The following COL27A1 variants were observed in gnomAD, a reference collection of about 807,000 sequenced individuals.
The protein encoded by COL27A1 is collagen alpha-1(XXVII) chain.
In COL27A1, 106 loss-of-function variants were observed where a neutral mutation model predicts 251.3. That is an observed-to-expected ratio of 0.42 (90% confidence interval 0.36 to 0.50). The LOEUF is 0.50. COL27A1 is among the 20% of genes least tolerant of loss of function. The pLI, the probability that COL27A1 is intolerant of heterozygous loss-of-function variation, is 0.00. For synonymous variants in COL27A1, 1,000 were observed against 986.3 expected (o/e 1.01, Z -0.26); for missense variants, 2,325 against 2,522.8 (o/e 0.92, Z 1.68).
intron 7 of COL27A1, among the ~76,000 whole-genome samples, chr9:114,201,002 C>T (rs1314237490): frequency 6.6e-6 from 1 of 152,218 alleles, no homozygotes; most frequent in Admixed American, 6.5e-5. Flanking sequence ...CCTCCCCTCC[C>T]TGCCCAAAGC....
intron 21 of COL27A1, among the ~76,000 whole-genome samples, chr9:114,241,674 C>T (rs1176113253): frequency 6.6e-6 from 1 of 152,208 alleles, no homozygotes; most frequent in African/African-American, 2.4e-5. Flanking sequence ...CATTCATTCA[C>T]TCACCAAACA....
intron 16 of COL27A1, among the ~76,000 whole-genome samples, chr9:114,234,212 T>TAAAAA (rs11415885): frequency 3.4e-5 from 3 of 89,368 alleles, no homozygotes; most frequent in Non-Finnish European, 6.3e-5. Context: ...TCTTGGACAT[T>TAAAAA]AAAAAAAAAA....
chr9:114,188,141 C>T (rs1168363611), intron 5 of COL27A1, among the ~76,000 whole-genome samples: 1 of 152,238 alleles, frequency 6.6e-6, no homozygotes, highest in African/African-American at 2.4e-5. Flanking sequence ...ACCCCATAGG[C>T]AGTGTGCTGA....
In COL27A1 at chr9:114,309,336, T is replaced by C; in HGVS notation, c.5294T>C (p.Ile1765Thr). The C allele has an allele frequency of 6.2e-7, 1 of 1,614,058 alleles. No individual in the cohort carries two copies. Among genetic ancestry groups the C allele is most frequent in the Non-Finnish European group, 8.5e-7 (1 of 1,180,020 alleles). Reference protein sequence around the residue: ...LSSEVTQHITIHCLNMTVWQE... With the variant: ...LSSEVTQHITTHCLNMTVWQE... Reference sequence around the variant, plus strand: ...TCCGAGGTGACCCAGCACATCACCATCCACTGCCTTAACATGACCGTGTGG... The same window carrying C: ...TCCGAGGTGACCCAGCACATCACCACCCACTGCCTTAACATGACCGTGTGG... Residue 1765 changes from isoleucine to threonine, a missense_variant, in exon 60 of 61, where the codon ATC becomes ACC. By Grantham distance (89) the Ile-to-Thr change is moderately conservative. Coordinates refer to ENST00000356083, the MANE Select transcript of COL27A1 (RefSeq NM_032888.4).
chr9:114,155,869 C>A lies in COL27A1; in HGVS notation c.-82C>A. ...CCGCGCGCTCTAAGCCGGCCTGGCG[C>A]GGCGGGGCGGGGGGCTGGCGGCCCC... On this transcript the variant is annotated 5_prime_UTR_variant, in exon 1 of 61. Transcript: ENST00000356083. The surrounding 1 kb of genome is among the most constrained non-coding windows in gnomAD (Gnocchi z 5.5). 6 of 1,064,576 alleles carry A rather than the reference C, an allele frequency of 5.6e-6. No individual in the cohort carries two copies. The highest frequency in any genetic ancestry group is 6.9e-6 in the Non-Finnish European group (6 of 874,528). The allele number at this position is 1,064,576 out of a possible 1,614,324, so 65.9% of individuals were successfully genotyped here. A position where few individuals can be genotyped will look rare whatever the true frequency, so the allele number is the denominator to read the frequency against.
intron 6 of COL27A1, among the ~76,000 whole-genome samples, 198 bp downstream of exon 6, chr9:114,194,655 G>A (rs751813979): frequency 9.9e-5 from 15 of 152,208 alleles, no homozygotes; most frequent in Non-Finnish European, 2.2e-4. Context: ...CCCACCCAAG[G>A]TTATTCCCAG....
At position 114,292,173 on chromosome 9, in the gene COL27A1, C is replaced by T; in HGVS notation, c.4547C>T (p.Pro1516Leu). The T allele has an allele frequency of 6.4e-7, 1 of 1,559,092 alleles. No individual in the cohort carries two copies. Among genetic ancestry groups the T allele is most frequent in the Non-Finnish European group, 8.7e-7 (1 of 1,151,336 alleles). Residue 1516 changes from proline to leucine, a missense_variant, in exon 49 of 61, where the codon CCT becomes CTT. Around this residue, in one of 4 missense-constraint regions of COL27A1, gnomAD observed 153 missense variants for 140.7 expected, o/e 1.09. Coordinates refer to ENST00000356083, the MANE Select transcript of COL27A1 (RefSeq NM_032888.4). The stretch of plus-strand genomic sequence containing the variant: ...GGAACAGAGGGCAGAACGGGGCTCC[C>T]TGGAAACCAGGGGGAGCCTGGGTCC... The part of the protein sequence containing the change: ...KRGTEGRTGL[P>L]GNQGEPGSKG...
At chr9:114,243,700 T>C (rs1419616620) in intron 23 of COL27A1, 140 bp downstream of exon 23, 4 of 650,556 alleles carry the variant, frequency 6.1e-6, no homozygotes, top group Non-Finnish European at 1.1e-5. Flanking sequence ...AAAGTATTGG[T>C]AAGGGAGAAA....
Position 114,169,084 on chromosome 9 carries a change from C to T in COL27A1, c.1529C>T (p.Pro510Leu). Residue 510 changes from proline to leucine, a missense_variant, in exon 3 of 61, where the codon CCA (proline) becomes CTA (leucine). Physicochemically the swap from Pro to Leu is moderately conservative, Grantham distance 98. Around this residue, in one of 4 missense-constraint regions of COL27A1, gnomAD observed 1,183 missense variants for 1,144.1 expected, o/e 1.03. Coordinates refer to ENST00000356083, the MANE Select transcript of COL27A1 (RefSeq NM_032888.4). Reference protein sequence around the residue: ...STRPPATMVPPTSGTSTPRTA... With the variant: ...STRPPATMVPLTSGTSTPRTA... ...CGGCCACCAGCCACGATGGTACCTCCAACTTCGGGCACCAGCACTCCCAGA... is the reference window on the plus strand; with the variant it reads ...CGGCCACCAGCCACGATGGTACCTCTAACTTCGGGCACCAGCACTCCCAGA... 5.6e-6 allele frequency: 9 copies of T among 1,614,080 alleles called. No homozygotes were observed. The highest frequency in any genetic ancestry group is 7.6e-6 in the Non-Finnish European group (9 of 1,179,974).
chr9:114,181,841 G>C (rs1359849361), intron 4 of COL27A1, among the ~76,000 whole-genome samples: 1 of 152,162 alleles, frequency 6.6e-6, no homozygotes, highest in African/African-American at 2.4e-5. Flanking sequence ...CCACAAATCT[G>C]CTGTATGACC....
rs1564433667 is a variant in COL27A1, at chr9:114,178,359, A to G, written c.1962+15A>G. ...GTGGGCCTCGGGTGAGTTATCTCAC[A>G]CTGTCCTTTGGAACTCTTGGTGGCT... is the stretch of plus-strand genomic sequence containing the variant. On this transcript the variant is annotated intron_variant, in intron 4 of 60. Coordinates refer to ENST00000356083, the MANE Select transcript of COL27A1 (RefSeq NM_032888.4). 6.2e-7 allele frequency: 1 copy of G among 1,613,100 alleles called. No homozygotes were observed. Among genetic ancestry groups the G allele is most frequent in the Non-Finnish European group, 8.5e-7 (1 of 1,179,370 alleles).
rs1832331093 is a variant in COL27A1 at position 114,235,635 on chromosome 9, G to A, written c.2602G>A (p.Gly868Arg). Residue 868 changes from glycine (G) to arginine (R), a missense_variant, in exon 17 of 61, where the codon GGA becomes AGA. By Grantham distance (125) the Gly-to-Arg change is moderately radical. Coordinates refer to ENST00000356083, the MANE Select transcript of COL27A1 (RefSeq NM_032888.4). ...QGVPGVSGDP[G>R]FQGDKGSQGL... ...GGTTCCAGGTGTGTCAGGAGATCCC[G>A]GATTCCAAGGAGACAAGGTAATTGC... The A allele has an allele frequency of 3.1e-6, 5 of 1,613,330 alleles. No individual in the cohort carries two copies. Among genetic ancestry groups the A allele is most frequent in the Non-Finnish European group, 4.2e-6 (5 of 1,179,496 alleles).
In COL27A1 at chr9:114,167,696, C is replaced by T. The variant is rs1023106800; in HGVS notation, c.141C>T (p.Asp47=). ...CTTTTCCCTCCCTCTCAGATGTGGA[C>T]ATCCTCCAGCGGCTGGGCCTCAGCT... The part of the protein sequence containing the change: ...ASTQGAPEDV[D]ILQRLGLSWT... Residue 47 remains aspartate, a synonymous_variant, in exon 3 of 61, where the codon GAC becomes GAT. Coordinates refer to ENST00000356083, the MANE Select transcript of COL27A1 (RefSeq NM_032888.4). 2.5e-6 allele frequency: 4 copies of T among 1,609,816 alleles called. No individual in the cohort carries two copies. The highest frequency in any genetic ancestry group is 3.4e-6 in the Non-Finnish European group (4 of 1,177,142).
At chr9:114,164,904 C>T (rs140675360) in intron 2 of COL27A1, among the ~76,000 whole-genome samples, 31 of 152,244 alleles carry the variant, frequency 2.0e-4, no homozygotes, top group African/African-American at 7.5e-4. Context: ...GAATAAAGGT[C>T]TTAAACTCAA....
intron 49 of COL27A1, among the ~76,000 whole-genome samples, chr9:114,298,062 A>C (rs1828374832): frequency 6.6e-6 from 1 of 151,850 alleles, no homozygotes; most frequent in Non-Finnish European, 1.5e-5. Context: ...GCTACTCAGG[A>C]GGCTGAAATG....
rs777006840 is a variant in COL27A1 at position 114,222,248 on chromosome 9, C to T, written c.2447C>T (p.Pro816Leu). The change falls in exon 14 of 61, where the codon CCT becomes CTT. Residue 816 changes from proline (P) to leucine (L), a missense_variant. Pro to Leu is a moderately conservative substitution (Grantham distance 98). Around this residue, in one of 4 missense-constraint regions of COL27A1, gnomAD observed 1,183 missense variants for 1,144.1 expected, o/e 1.03. Transcript: ENST00000356083. ...NPGELGLPGP[P>L]GVPGLIGDLG... ...GGAGAACTGGGCCTGCCAGGCCCCC[C>T]TGGAGTCCCCGGCCTCATTGTAAGT... 3 of 1,613,776 alleles carry T rather than the reference C, an allele frequency of 1.9e-6. No individual in the cohort carries two copies. Among genetic ancestry groups the T allele is most frequent in the Non-Finnish European group, 2.5e-6 (3 of 1,179,716 alleles).
intron 28 of COL27A1, among the ~76,000 whole-genome samples, chr9:114,263,470 C>G (rs1446102926): frequency 6.6e-6 from 1 of 151,990 alleles, no homozygotes; most frequent in East Asian, 1.9e-4. Context: ...ACAGCCTGCT[C>G]TGTTTTCCAC....
chr9:114,245,785 G>A (rs1457134819), intron 23 of COL27A1, 81 bp from the exon 24 acceptor site: 6 of 1,355,564 alleles, frequency 4.4e-6, no homozygotes, highest in African/African-American at 2.9e-5. Context: ...GGCAGCTAAG[G>A]CCAGCAGGCC....
At chr9:114,164,435 T>G (rs1848692764) in intron 2 of COL27A1, among the ~76,000 whole-genome samples, 1 of 152,208 alleles carries the variant, frequency 6.6e-6, no homozygotes, top group African/African-American at 2.4e-5. Flanking sequence ...TAGCTGCAGA[T>G]GGTCTTTGGG....
Sources: gnomAD v4.1 joint callset for allele counts (sites outside exome capture counted in the v4.1 genomes callset) on GRCh38, gnomAD v4.1.1 for gene constraint, gnomAD v4.1.1 regional missense constraint, Gnocchi (gnomAD v3.1) non-coding constraint, MANE v1.5 for transcripts, NCBI Gene and HGNC (gene_info 2026-07-23, HGNC 2026-07-21) for gene names.